The following ADAMTS2 variants were observed in gnomAD, a reference collection of about 807,000 sequenced individuals.
The protein encoded by ADAMTS2 is ADAM metallopeptidase with thrombospondin type 1 motif 2.
In ADAMTS2, 50 loss-of-function variants were observed where a neutral mutation model predicts 123.0. The observed-to-expected ratio is 0.41, with a 90% CI of 0.32 to 0.51. The LOEUF (loss-of-function observed/expected upper bound fraction) is 0.51. Ranked by LOEUF, ADAMTS2 falls within the 20% of genes least tolerant of loss-of-function variation. The probability of loss-of-function intolerance (pLI) is 0.35; values close to 1 mark genes in which losing one functional copy is unlikely to be tolerated. For synonymous variants in ADAMTS2, 678 were observed against 695.4 expected, an observed-to-expected ratio of 0.98 and a Z score of 0.39; for missense variants, 1,494 against 1,705.2, an observed-to-expected ratio of 0.88 and a Z score of 2.18.
intron 2 of ADAMTS2, among the ~76,000 whole-genome samples, chr5:179,318,163 G>T (rs964570123): frequency 2.6e-5 from 4 of 152,346 alleles, no homozygotes; most frequent in Admixed American, 2.6e-4. Context: ...CCACTCTCAT[G>T]GAGACTCTGA....
chr5:179,204,652 T>C (rs983031126), intron 4 of ADAMTS2, among the ~76,000 whole-genome samples: 3 of 152,246 alleles, frequency 2.0e-5, no homozygotes, highest in African/African-American at 7.2e-5. Flanking sequence ...TCTCCGGGCA[T>C]GCAGAGGCTC....
At chr5:179,320,570 A>G (rs545867501) in intron 2 of ADAMTS2, among the ~76,000 whole-genome samples, 73 of 150,338 alleles carry the variant, frequency 4.9e-4, no homozygotes, top group Non-Finnish European at 7.7e-4. Context: ...CGTCCACCTC[A>G]GCCTCCCAAA....
rs201864255 is a variant in ADAMTS2, at chr5:179,137,811, C to T, written c.1909G>A (p.Gly637Ser). 9.9e-5 allele frequency: 156 copies of T among 1,580,506 alleles called. No individual in the cohort carries two copies. Among genetic ancestry groups the T allele is most frequent in the African/African-American group, 1.3e-4 (10 of 74,202 alleles). ...CRQWDLYFEH[G>S]DAQHHWLPHE... ...GGCAGCCAGTGGTGCTGGGCGTCGC[C>T]GTGCTCGAAGTACAGGTCCCACTGG... The change falls in exon 12 of 22, where the codon GGC (glycine) becomes AGC (serine). Residue 637 changes from glycine (G) to serine (S), a missense_variant. Physicochemically the swap from Gly to Ser is moderately conservative, Grantham distance 56. Around this residue, in one of 6 missense-constraint regions of ADAMTS2, gnomAD observed 953 missense variants for 1,124.7 expected, o/e 0.85. Coordinates refer to ENST00000251582, the MANE Select transcript of ADAMTS2 (RefSeq NM_014244.5).
At chr5:179,178,269 C>T (rs527974646) in intron 5 of ADAMTS2, among the ~76,000 whole-genome samples, 744 of 27,226 alleles carry the variant, frequency 0.027, 3 homozygotes, top group African/African-American at 0.1. Context: ...ATCCCCCCCG[C>T]ACCTCCCCGC....
Position 179,134,890 on chromosome 5 carries a change from ACCCCAGCTCCCGGCTCCAGC to A in ADAMTS2, c.2085+999_2085+1018del, listed in dbSNP as rs1212524499. ...TCCCGGGTCCAGCTCCCGGCTCCAG[ACCCCAGCTCCCGGCTCCAGC>A]CCCCAGCTCCCGGCTCCAGCCCCCA... On this transcript the variant is annotated intron_variant, in intron 13 of 21. Transcript: ENST00000251582. Among the ~76,000 whole-genome samples, 17 of 21,232 alleles carry A rather than the reference ACCCCAGCTCCCGGCTCCAGC, an allele frequency of 8.0e-4. 1 individual carries two copies. The highest frequency in any genetic ancestry group is 3.5e-3 in the South Asian group (2 of 564). The allele number at this position is 21,232 out of a possible 152,430, so 13.9% of individuals were successfully genotyped here.
intron 3 of ADAMTS2, among the ~76,000 whole-genome samples, chr5:179,243,535 CAAAT>C (rs1266328639): frequency 6.6e-6 from 1 of 152,126 alleles, no homozygotes; most frequent in East Asian, 1.9e-4. Context: ...AATCAGGAAA[CAAAT>C]AAATACACAA....
rs536775317 is a variant in ADAMTS2 at position 179,318,845 on chromosome 5, G to T, written c.534+24922C>A. Among the ~76,000 whole-genome samples the T allele has an allele frequency of 1.1e-4, 16 of 152,328 alleles. No homozygotes were observed. The South Asian group carries it at 3.3e-3, about 32-fold the overall frequency. ...GGGCCCCGAAGGGTCTTCCAGGAAGGTCAGACCCCAGCCCAAAAGCAGCAG... is the reference window on the plus strand; with the variant it reads ...GGGCCCCGAAGGGTCTTCCAGGAAGTTCAGACCCCAGCCCAAAAGCAGCAG... On this transcript the variant is annotated intron_variant, in intron 2 of 21. Transcript: ENST00000251582.
At chr5:179,251,106 G>T (rs1765911858) in intron 3 of ADAMTS2, among the ~76,000 whole-genome samples, 1 of 152,230 alleles carries the variant, frequency 6.6e-6, no homozygotes, top group African/African-American at 2.4e-5. Flanking sequence ...TTCTGCATCA[G>T]GCGGGCCTGG....
rs780547229 is a variant in ADAMTS2, at chr5:179,153,536, C to T, written c.1470G>A (p.Glu490=). The T allele has an allele frequency of 3.7e-6, 6 of 1,610,826 alleles. No homozygotes were observed. Among genetic ancestry groups the T allele is most frequent in the East Asian group, 2.2e-5 (1 of 44,876 alleles). Residue 490 remains glutamate, a synonymous_variant, in exon 9 of 22, where the codon GAG becomes GAA. Transcript: ENST00000251582. The stretch of plus-strand genomic sequence containing the variant: ...CCAGGCCGAAGTCAAAGCGGCATTG[C>T]TCGTTCATGGAGTAGTGCAGTCCCG... ...QLPGLHYSMN[E]QCRFDFGLGY... is the part of the protein sequence containing the mutation.
At chr5:179,240,612 T>C (rs543695503) in intron 3 of ADAMTS2, among the ~76,000 whole-genome samples, 25 of 152,224 alleles carry the variant, frequency 1.6e-4, no homozygotes, top group African/African-American at 6.0e-4. Context: ...CCAAATCCAG[T>C]GGGGAGTCCT....
rs1484378359 is a variant in ADAMTS2 at position 179,189,076 on chromosome 5, G to A, written c.892-7921C>T. 6.6e-6 allele frequency among the ~76,000 whole-genome samples: 1 copy of A among 152,154 alleles called. No homozygotes were observed. The highest frequency in any genetic ancestry group is 1.5e-5 in the Non-Finnish European group (1 of 68,030). On this transcript the variant is annotated intron_variant, in intron 4 of 21. Transcript: ENST00000251582. The surrounding 1 kb of genome is among the most constrained non-coding windows in gnomAD (Gnocchi z 4.2). ...CCACAATCCTGCTGCGTGACTTGGG[G>A]CCAGTTACTTAACCTGTCTGGGCCT...
intron 2 of ADAMTS2, among the ~76,000 whole-genome samples, chr5:179,313,190 G>A (rs1462235091): frequency 2.6e-5 from 4 of 152,112 alleles, no homozygotes; most frequent in Non-Finnish European, 5.9e-5. Context: ...AAGAGGGGAC[G>A]CACACGCATT....
intron 4 of ADAMTS2, among the ~76,000 whole-genome samples, chr5:179,186,019 C>T (rs1395116221): frequency 6.6e-6 from 1 of 152,102 alleles, no homozygotes; most frequent in African/African-American, 2.4e-5. Context: ...CAGGAAACCT[C>T]TGTCCCTTCC....
Position 179,162,127 on chromosome 5 carries a change from G to T in ADAMTS2, c.976-3248C>A, listed in dbSNP as rs911602659. The stretch of plus-strand genomic sequence containing the variant: ...CAAGATGAACTCACCTGCCCTCAGG[G>T]TCCTAAGCCCCATGTAGTGGGACGG... On this transcript the variant is annotated intron_variant, in intron 5 of 21. Transcript: ENST00000251582. The surrounding 1 kb of genome is among the most constrained non-coding windows in gnomAD (Gnocchi z 5.1). 5.3e-5 allele frequency among the ~76,000 whole-genome samples: 8 copies of T among 152,216 alleles called. No individual in the cohort carries two copies. The highest frequency in any genetic ancestry group is 1.9e-4 in the African/African-American group (8 of 41,452).
chr5:179,317,531 C>T lies in ADAMTS2; in HGVS notation c.534+26236G>A, dbSNP rs80227607. 1.3e-5 allele frequency among the ~76,000 whole-genome samples: 2 copies of T among 152,164 alleles called. No individual in the cohort carries two copies. Among genetic ancestry groups the T allele is most frequent in the African/African-American group, 2.4e-5 (1 of 41,438 alleles). ...AGCACGGACCCAGAGGCCATCCCAG[C>T]GACACTGTGTGGGGACTCCTGCACC... On this transcript the variant is annotated intron_variant, in intron 2 of 21. Coordinates refer to ENST00000251582, the MANE Select transcript of ADAMTS2 (RefSeq NM_014244.5). The surrounding 1 kb of genome is among the most constrained non-coding windows in gnomAD (Gnocchi z 4.9).
chr5:179,126,409 C>T (rs1024703094), intron 17 of ADAMTS2, among the ~76,000 whole-genome samples: 14 of 152,338 alleles, frequency 9.2e-5, no homozygotes, highest in African/African-American at 3.1e-4. Flanking sequence ...TTCCTTGCTA[C>T]TGCTAGGCAC....
At chr5:179,157,227 G>A (rs1032973286) in intron 6 of ADAMTS2, among the ~76,000 whole-genome samples, 2 of 152,206 alleles carry the variant, frequency 1.3e-5, no homozygotes, top group Admixed American at 1.3e-4. Context: ...TGGGATTACA[G>A]GAGTGAGCCA....
Position 179,135,918 on chromosome 5 carries a change from C to T in ADAMTS2, c.2076G>A (p.Gly692=). 6.2e-7 allele frequency: 1 copy of T among 1,613,200 alleles called. No homozygotes were observed. Among genetic ancestry groups the T allele is most frequent in the Non-Finnish European group, 8.5e-7 (1 of 1,180,018 alleles). ...YKDAFSLCVR[G]DCRKVGCDGV... ...GCCTCTGTGTACTCACCCTGCAGTC[C>T]CCGCGCACACAGAGGCTGAAGGCGT... Residue 692 remains glycine (G), a synonymous_variant, in exon 13 of 22, where the codon GGG becomes GGA. Transcript: ENST00000251582.
At position 179,137,808 on chromosome 5, in the gene ADAMTS2, C is replaced by A; in HGVS notation, c.1912G>T (p.Asp638Tyr). ...TGGGGCAGCCAGTGGTGCTGGGCGT[C>A]GCCGTGCTCGAAGTACAGGTCCCAC... is the stretch of plus-strand genomic sequence containing the variant. ...RQWDLYFEHG[D>Y]AQHHWLPHEH... The change falls in exon 12 of 22, where the codon GAC (aspartate) becomes TAC (tyrosine). Residue 638 changes from aspartate to tyrosine, a missense_variant. Asp to Tyr is a radical substitution (Grantham distance 160, BLOSUM62 -3). Around this residue, in one of 6 missense-constraint regions of ADAMTS2, gnomAD observed 953 missense variants for 1,124.7 expected, o/e 0.85. Coordinates refer to ENST00000251582, the MANE Select transcript of ADAMTS2 (RefSeq NM_014244.5). The A allele has an allele frequency of 6.3e-7, 1 of 1,579,496 alleles. No individual in the cohort carries two copies. The highest frequency in any genetic ancestry group is 8.6e-7 in the Non-Finnish European group (1 of 1,164,840).
Sources: allele counts gnomAD v4.1 joint callset (sites outside exome capture counted in the v4.1 genomes callset), GRCh38; gene constraint gnomAD v4.1.1; regional missense constraint gnomAD v4.1.1; non-coding constraint Gnocchi (gnomAD v3.1); transcripts MANE v1.5; gene names NCBI Gene and HGNC (gene_info 2026-07-23, HGNC 2026-07-21).